Variants in MPP4 observed in about 807,000 individuals in gnomAD.
MPP4 encodes the protein MAGUK p55 scaffold protein 4, also known as MAGUK p55 subfamily member 4.
Under a neutral mutation model 98.3 loss-of-function variants are expected in MPP4, and 91 were observed. That is an observed-to-expected ratio of 0.93 (90% CI 0.78 to 1.10). The LOEUF (loss-of-function observed/expected upper bound fraction) is 1.10. MPP4 is among the 50% of genes least tolerant of loss of function. The pLI is 0.00. For synonymous variants in MPP4, 261 were observed against 271.8 expected, an observed-to-expected ratio of 0.96 and a Z score of 0.39; for missense variants, 744 against 792.9, an observed-to-expected ratio of 0.94 and a Z score of 0.74.
At position 201,680,932 on chromosome 2, in the gene MPP4, C is replaced by G; in HGVS notation, c.835G>C (p.Val279Leu). The change falls in exon 10 of 22, where the codon GTG becomes CTG. Residue 279 changes from valine to leucine, a missense_variant. Physicochemically the swap from Val to Leu is conservative, Grantham distance 32. Coordinates refer to ENST00000409474, the MANE Select transcript of MPP4 (RefSeq NM_033066.3). ...PFQKGDILQI[V>L]DQNDALWWQA... ...CACCAGAGGGCATCATTCTGGTCCA[C>G]AATCTGGAGGATGTCCCCCTTCTGG... is the stretch of plus-strand genomic sequence containing the variant. The G allele has an allele frequency of 1.2e-6, 2 of 1,613,882 alleles. No individual in the cohort carries two copies. Among genetic ancestry groups the G allele is most frequent in the Non-Finnish European group, 1.7e-6 (2 of 1,179,856 alleles).
At chr2:201,677,772 G>C (rs1038122947) in intron 10 of MPP4, among the ~76,000 whole-genome samples, 12 of 152,154 alleles carry the variant, frequency 7.9e-5, no homozygotes, top group Non-Finnish European at 1.6e-4. Flanking sequence ...AAAATACCCA[G>C]CTCATTTTTA....
At chr2:201,666,481 G>GATCAC in intron 12 of MPP4, 109 bp from the exon 13 acceptor site, 1 of 795,596 alleles carries the variant, frequency 1.3e-6, no homozygotes, top group Non-Finnish European at 1.9e-6. Context: ...AGCACTCTGG[G>GATCAC]AGGCCGAGGC....
Position 201,683,751 on chromosome 2 carries a change from C to CA in MPP4, c.575-836dup, listed in dbSNP as rs1321790610. On this transcript the variant is annotated intron_variant, in intron 7 of 21. Transcript: ENST00000409474. ...TAGGTGACAGAGTGAGACTCTGTCTCAAAAAAAAAAAAAGAAAAGAAAAGA... is the reference window on the plus strand; with the variant it reads ...TAGGTGACAGAGTGAGACTCTGTCTCAAAAAAAAAAAAAAGAAAAGAAAAGA... 9.3e-3 allele frequency among the ~76,000 whole-genome samples: 802 copies of CA among 86,502 alleles called. 3 individuals carry two copies. The highest frequency in any genetic ancestry group is 0.018 in the African/African-American group (412 of 22,320). The allele number at this position is 86,502 out of a possible 152,430, so 56.7% of individuals were successfully genotyped here.
At chr2:201,668,449 TTTCTCTTCTC>T (rs113238787) in intron 12 of MPP4, among the ~76,000 whole-genome samples, 10 of 149,872 alleles carry the variant, frequency 6.7e-5, no homozygotes, top group East Asian at 3.9e-4. Flanking sequence ...TCTCTCTCTC[TTTCTCTTCTC>T]TTCTCTTCTC....
At chr2:201,680,691 T>C (rs1688640689) in intron 10 of MPP4, 147 bp downstream of exon 10, 2 of 668,826 alleles carry the variant, frequency 3.0e-6, no homozygotes, top group South Asian at 2.3e-5. Context: ...TATCGATAAG[T>C]TGACATTTGG....
chr2:201,655,573 G>T (rs1687825902), intron 17 of MPP4, among the ~76,000 whole-genome samples: 1 of 152,194 alleles, frequency 6.6e-6, no homozygotes, highest in African/African-American at 2.4e-5. Flanking sequence ...ACATCGTTCT[G>T]CTCTACAGGG....
intron 17 of MPP4, among the ~76,000 whole-genome samples, 190 bp from the exon 18 acceptor site, chr2:201,655,107 G>A (rs939439198): frequency 1.3e-5 from 2 of 152,188 alleles, no homozygotes; most frequent in East Asian, 1.9e-4. Context: ...GTGACCCATG[G>A]AGTAATCCAC....
intron 18 of MPP4, chr2:201,650,850 C>G: frequency 1.0e-6 from 1 of 985,336 alleles, no homozygotes; most frequent in Non-Finnish European, 1.2e-6. Flanking sequence ...TAGATTCAGT[C>G]TGATTCTTTG....
Position 201,680,896 on chromosome 2 carries a change from T to C in MPP4, c.871A>G (p.Lys291Glu), listed in dbSNP as rs769975863. 6.2e-7 allele frequency: 1 copy of C among 1,613,770 alleles called. No homozygotes were observed. The highest frequency in any genetic ancestry group is 1.7e-5 in the Admixed American group (1 of 60,000). The change falls in exon 10 of 22, where the codon AAA becomes GAA. Residue 291 changes from lysine (K) to glutamate (E), a missense_variant. By Grantham distance (56) the Lys-to-Glu change is moderately conservative (BLOSUM62 1). Transcript: ENST00000409474. ...GCGCAGGTAGCAGGGTCTGAGATTT[T>C]TCGGGCCTGCCACCAGAGGGCATCA... ...QNDALWWQARKISDPATCAGL... is the reference protein window; with the variant it reads ...QNDALWWQAREISDPATCAGL...
At chr2:201,669,195 T>A (rs1287355656) in intron 12 of MPP4, among the ~76,000 whole-genome samples, 1 of 151,468 alleles carries the variant, frequency 6.6e-6, no homozygotes, top group African/African-American at 2.4e-5. Flanking sequence ...GAAAGGATAG[T>A]AACTGAAGGT....
chr2:201,689,818 A>G (rs1213160090), intron 4 of MPP4, among the ~76,000 whole-genome samples: 1 of 152,174 alleles, frequency 6.6e-6, no homozygotes, highest in African/African-American at 2.4e-5. Context: ...GGAGTCCGTT[A>G]GACATCCAAG....
chr2:201,697,726 C>T (rs11677237), intron 1 of MPP4, among the ~76,000 whole-genome samples: 94,400 of 152,040 alleles, frequency 0.62, 30,428 homozygotes, highest in Non-Finnish European at 0.72. Flanking sequence ...TGACTTAAAC[C>T]TCTTTCCCTA....
chr2:201,679,782 C>T (rs1357525660), intron 10 of MPP4, among the ~76,000 whole-genome samples: 3 of 152,224 alleles, frequency 2.0e-5, no homozygotes, highest in Non-Finnish European at 4.4e-5. Flanking sequence ...GGCTATTTCT[C>T]CATCATTCTG....
At chr2:201,685,807 C>T in intron 6 of MPP4, 112 bp downstream of exon 6, 2 of 1,310,426 alleles carry the variant, frequency 1.5e-6, no homozygotes, top group Non-Finnish European at 2.1e-6. Flanking sequence ...GTTATTATCA[C>T]TGTATATGTG....
intron 21 of MPP4, chr2:201,646,879 T>C (rs1264971161): frequency 1.3e-5 from 2 of 152,196 alleles, no homozygotes; most frequent in Non-Finnish European, 2.9e-5. Flanking sequence ...AATGTGAATA[T>C]ACTTAACACT....
Position 201,682,868 on chromosome 2 carries a change from A to G in MPP4, c.623T>C (p.Val208Ala). 1.9e-6 allele frequency: 3 copies of G among 1,613,994 alleles called. No homozygotes were observed. The highest frequency in any genetic ancestry group is 1.6e-4 in the Middle Eastern group (1 of 6,062). ...CACTTGTTCAGGGTCCAGTCCCTCAACTGAAACTCCATTCACTTCTACCAG... is the reference window on the plus strand; with the variant it reads ...CACTTGTTCAGGGTCCAGTCCCTCAGCTGAAACTCCATTCACTTCTACCAG... Reference protein sequence around the residue: ...DKLVEVNGVSVEGLDPEQVIH... With the variant: ...DKLVEVNGVSAEGLDPEQVIH... Residue 208 changes from valine to alanine, a missense_variant, in exon 8 of 22, where the codon GTT becomes GCT. Physicochemically the swap from Val to Ala is moderately conservative, Grantham distance 64 (BLOSUM62 0). Coordinates refer to ENST00000409474, the MANE Select transcript of MPP4 (RefSeq NM_033066.3).
At chr2:201,681,678 C>G in intron 8 of MPP4, 111 bp from the exon 9 acceptor site, 1 of 797,080 alleles carries the variant, frequency 1.3e-6, no homozygotes, top group South Asian at 1.5e-5. Flanking sequence ...TAAAATCCCC[C>G]AAGAGCCTTT....
At chr2:201,648,475 A>G (rs1687628117) in intron 20 of MPP4, among the ~76,000 whole-genome samples, 1 of 152,224 alleles carries the variant, frequency 6.6e-6, no homozygotes, top group Non-Finnish European at 1.5e-5. Flanking sequence ...TAAAAATTTG[A>G]AGATGTAGTT....
chr2:201,675,092 A>G, intron 11 of MPP4, 115 bp downstream of exon 11: 1 of 1,158,174 alleles, frequency 8.6e-7, no homozygotes, highest in South Asian at 1.3e-5. Flanking sequence ...TTAAATAACA[A>G]CTCCATCTCC....
Sources: gnomAD v4.1 joint callset for allele counts (sites outside exome capture counted in the v4.1 genomes callset) on GRCh38, gnomAD v4.1.1 for gene constraint, MANE v1.5 for transcripts, NCBI Gene and HGNC (gene_info 2026-07-23, HGNC 2026-07-21) for gene names.